RARB: variants seen among roughly 807,000 people sequenced by gnomAD.
RARB encodes the protein HBV-activated protein.
A neutral mutation model predicts 51.9 loss-of-function variants in RARB; 17 were observed. The ratio of observed to expected loss-of-function variants is 0.33; its 90% CI spans 0.22 to 0.49. RARB has a LOEUF of 0.49. RARB is among the 20% of genes least tolerant of loss of function. RARB has a pLI of 0.99. For synonymous variants in RARB, 215 were observed against 195.4 expected (o/e 1.10, Z -0.84); for missense variants, 369 against 550.8 (o/e 0.67, Z 3.30).
chr3:25,462,802 A>G (rs939995288), intron 2 of RARB, among the ~76,000 whole-genome samples: 1 of 152,158 alleles, frequency 6.6e-6, no homozygotes, highest in Admixed American at 6.5e-5. Context: ...GCTCTCCTCC[A>G]TGTGATCCCT....
intron 2 of RARB, among the ~76,000 whole-genome samples, chr3:24,888,837 T>C (rs1243304219): frequency 1.3e-5 from 2 of 152,228 alleles, no homozygotes; most frequent in Non-Finnish European, 2.9e-5. Context: ...ATAGGGTTAC[T>C]GGAGCAGGGC....
At chr3:25,432,101 A>G (rs1708232920) in intron 1 of RARB, among the ~76,000 whole-genome samples, 1 of 152,230 alleles carries the variant, frequency 6.6e-6, no homozygotes, top group African/African-American at 2.4e-5. Context: ...ACCATCAGAA[A>G]GAAGAGAAAA....
chr3:25,575,315 C>T (rs1472394944), intron 4 of RARB, among the ~76,000 whole-genome samples: 2 of 152,164 alleles, frequency 1.3e-5, no homozygotes, highest in East Asian at 3.8e-4. Flanking sequence ...TACCCATCCA[C>T]GACCCAGGGC....
upstream of RARB, among the ~76,000 whole-genome samples, chr3:25,426,595 G>T (rs1707996978): frequency 6.6e-6 from 1 of 152,246 alleles, no homozygotes; most frequent in Non-Finnish European, 1.5e-5. Flanking sequence ...CCACAAAAAG[G>T]AGACTGGAGC....
At chr3:25,350,144 C>T (rs1427517154) in intron 5 of RARB, among the ~76,000 whole-genome samples, 2 of 152,120 alleles carry the variant, frequency 1.3e-5, no homozygotes, top group Non-Finnish European at 2.9e-5. Context: ...TCATTGCTTC[C>T]ATTACATTCT....
chr3:25,164,987 T>C (rs1700536272), intron 4 of RARB, among the ~76,000 whole-genome samples: 1 of 152,114 alleles, frequency 6.6e-6, no homozygotes, highest in Admixed American at 6.6e-5. Context: ...GTGATCACAG[T>C]CAACTCAAGA....
chr3:25,306,989 C>T (rs988489613), intron 5 of RARB, among the ~76,000 whole-genome samples: 4 of 152,128 alleles, frequency 2.6e-5, no homozygotes, highest in Admixed American at 2.6e-4. Flanking sequence ...GAGATACATT[C>T]CTTCACATTC....
intron 1 of RARB, among the ~76,000 whole-genome samples, chr3:25,438,402 T>C (rs1420903937): frequency 6.6e-6 from 1 of 152,180 alleles, no homozygotes; most frequent in Admixed American, 6.5e-5. Flanking sequence ...GTAGCGTATA[T>C]GCACTATAAC....
At chr3:25,359,407 T>A (rs1705854416) in intron 5 of RARB, among the ~76,000 whole-genome samples, 1 of 150,846 alleles carries the variant, frequency 6.6e-6, no homozygotes, top group African/African-American at 2.5e-5. Flanking sequence ...ATTTTGTTAA[T>A]TTTTTAAAAA....
At chr3:25,278,824 C>A (rs920852525) in intron 5 of RARB, among the ~76,000 whole-genome samples, 27 of 152,270 alleles carry the variant, frequency 1.8e-4, no homozygotes, top group Middle Eastern at 3.4e-3. Context: ...AAGGATAACA[C>A]AAATGGGAGC....
chr3:24,922,462 C>T (rs775464720), intron 2 of RARB, among the ~76,000 whole-genome samples: 23 of 152,098 alleles, frequency 1.5e-4, no homozygotes, highest in Non-Finnish European at 2.6e-4. Flanking sequence ...TCACAGCAGT[C>T]GTAGGCCGTA....
chr3:25,562,047 G>C (rs1163873912), intron 3 of RARB, among the ~76,000 whole-genome samples: 1 of 151,914 alleles, frequency 6.6e-6, no homozygotes, highest in Non-Finnish European at 1.5e-5. Flanking sequence ...AGATATATGG[G>C]ACCCCTATTT....
intron 5 of RARB, among the ~76,000 whole-genome samples, chr3:25,296,886 T>C (rs1202335394): frequency 6.6e-6 from 1 of 152,196 alleles, no homozygotes; most frequent in Non-Finnish European, 1.5e-5. Context: ...TAAACTGCCC[T>C]GGACAAGATA....
chr3:25,589,366 T>C (rs7621140), intron 5 of RARB, among the ~76,000 whole-genome samples: 28,295 of 152,180 alleles, frequency 0.19, 3,219 homozygotes, highest in African/African-American at 0.33. Context: ...GAGAGGCCAC[T>C]GAGGCCACAG....
At chr3:25,394,575 G>A (rs1409222313) in intron 5 of RARB, among the ~76,000 whole-genome samples, 1 of 152,052 alleles carries the variant, frequency 6.6e-6, no homozygotes, top group Non-Finnish European at 1.5e-5. Context: ...ATAAACTTGG[G>A]AGCTCCAGTG....
At chr3:25,378,881 G>T (rs1487289832) in intron 5 of RARB, among the ~76,000 whole-genome samples, 1 of 152,086 alleles carries the variant, frequency 6.6e-6, no homozygotes, top group African/African-American at 2.4e-5. Context: ...AGCTTGAGAG[G>T]AAAAAAACCT....
At chr3:25,491,990 G>A (rs1186101952) in intron 2 of RARB, among the ~76,000 whole-genome samples, 1 of 152,128 alleles carries the variant, frequency 6.6e-6, no homozygotes, top group Non-Finnish European at 1.5e-5. Flanking sequence ...GACAGTGACA[G>A]CAGAGCAGTA....
chr3:25,137,974 C>T (rs1399967213), intron 4 of RARB, among the ~76,000 whole-genome samples: 2 of 152,274 alleles, frequency 1.3e-5, no homozygotes, highest in Admixed American at 1.3e-4. Context: ...ATCCTCAAAA[C>T]ATCCTTTTTA....
intron 2 of RARB, among the ~76,000 whole-genome samples, chr3:24,969,772 T>C (rs976961677): frequency 1.3e-5 from 2 of 152,122 alleles, no homozygotes; most frequent in Non-Finnish European, 2.9e-5. Flanking sequence ...CTTTGGATAA[T>C]AGGAGATGTG....
Sources: gnomAD v4.1 joint callset for allele counts (sites outside exome capture counted in the v4.1 genomes callset) on GRCh38, gnomAD v4.1.1 for gene constraint, MANE v1.5 for transcripts, NCBI Gene and HGNC (gene_info 2026-07-23, HGNC 2026-07-21) for gene names.